The following CRY2 variants were observed in gnomAD, a reference collection of about 807,000 sequenced individuals.
CRY2 encodes the protein cryptochrome circadian regulator 2, also known as cryptochrome-2.
CRY2 carries 31 observed loss-of-function variants against 69.5 expected under a neutral mutation model. The observed-to-expected ratio is 0.45, with a 90% CI of 0.34 to 0.60. The LOEUF is 0.60. Ranked by LOEUF, CRY2 falls within the 20% of genes least tolerant of loss-of-function variation. The pLI is 0.02. For missense variants in CRY2, 606 were observed against 797.8 expected (o/e 0.76, Z 2.90); for synonymous variants, 303 against 312.2 (o/e 0.97, Z 0.31).
intron 11 of CRY2, among the ~76,000 whole-genome samples, chr11:45,877,435 C>T (rs1273667448): frequency 1.3e-5 from 2 of 152,228 alleles, no homozygotes; most frequent in South Asian, 2.1e-4. Context: ...CCCTCCAGGG[C>T]GAGGAGCATA....
rs768698805 is a variant in CRY2, at chr11:45,857,462, C to T, written c.325-1269C>T. ...CCCCAGCAACTCAGAGGCCAACCCACTTATATCCCAGAGATATAGCTAGGT... is the reference window on the plus strand; with the variant it reads ...CCCCAGCAACTCAGAGGCCAACCCATTTATATCCCAGAGATATAGCTAGGT... On this transcript the variant is annotated intron_variant, in intron 2 of 11. Transcript: ENST00000616080. Among the ~76,000 whole-genome samples, 3 of 152,208 alleles carry T rather than the reference C, an allele frequency of 2.0e-5. 1 individual carries two copies. In the South Asian group the frequency reaches 6.2e-4, roughly 31 times the overall value.
In CRY2 at chr11:45,867,767, C is replaced by A. The variant is rs1253617930; in HGVS notation, c.882+15C>A. ...TGTATAAAAAGGTAAGGGGGACATA[C>A]CTGCCCACATTGCACCTAAGGCCTG... On this transcript the variant is annotated intron_variant, in intron 6 of 11. Coordinates refer to ENST00000616080, the MANE Select transcript of CRY2 (RefSeq NM_021117.5). The A allele has an allele frequency of 6.2e-7, 1 of 1,614,090 alleles. No individual in the cohort carries two copies. The highest frequency in any genetic ancestry group is 1.1e-5 in the South Asian group (1 of 91,080).
At chr11:45,857,042 G>A (rs11038696) in intron 2 of CRY2, among the ~76,000 whole-genome samples, 8,733 of 152,164 alleles carry the variant, frequency 0.057, 359 homozygotes, top group Non-Finnish European at 0.081. Context: ...TGATTGTCAT[G>A]CCCCTCCCCA....
intron 11 of CRY2, among the ~76,000 whole-genome samples, chr11:45,879,853 C>T (rs2086454668): frequency 6.6e-6 from 1 of 152,206 alleles, no homozygotes; most frequent in South Asian, 2.1e-4. Flanking sequence ...GGCTTCTTTT[C>T]TTCTGAGGCT....
At chr11:45,876,237 A>C (rs1321503388) in intron 11 of CRY2, among the ~76,000 whole-genome samples, 1 of 151,858 alleles carries the variant, frequency 6.6e-6, no homozygotes, top group Non-Finnish European at 1.5e-5. Context: ...TCTGAGCTCT[A>C]TAGTTCTGGA....
intron 1 of CRY2, among the ~76,000 whole-genome samples, chr11:45,855,667 C>T (rs1045479106): frequency 2.0e-5 from 3 of 152,168 alleles, no homozygotes; most frequent in South Asian, 2.1e-4. Flanking sequence ...ACACATTATT[C>T]GATTTTCTTT....
At chr11:45,866,816 TCA>T (rs1489850870) in intron 5 of CRY2, among the ~76,000 whole-genome samples, 1 of 152,014 alleles carries the variant, frequency 6.6e-6, no homozygotes. Context: ...GCACAGTGGC[TCA>T]CACCTATAAT....
At chr11:45,863,211 G>C (rs181614621) in intron 5 of CRY2, among the ~76,000 whole-genome samples, 37 of 152,354 alleles carry the variant, frequency 2.4e-4, no homozygotes, top group Admixed American at 6.5e-5. Context: ...GGTTCACCTA[G>C]AGATTCTTGG....
chr11:45,863,581 A>C (rs2086305870), intron 5 of CRY2, among the ~76,000 whole-genome samples: 3 of 151,028 alleles, frequency 2.0e-5, no homozygotes, highest in Non-Finnish European at 4.4e-5. Flanking sequence ...AGTTCTCCAA[A>C]TCTGAAGGGA....
At chr11:45,876,239 A>C (rs2086423516) in intron 11 of CRY2, among the ~76,000 whole-genome samples, 1 of 151,964 alleles carries the variant, frequency 6.6e-6, no homozygotes, top group Non-Finnish European at 1.5e-5. Flanking sequence ...TGAGCTCTAT[A>C]GTTCTGGATT....
chr11:45,859,462 T>C (rs1440037929), intron 3 of CRY2, among the ~76,000 whole-genome samples: 1 of 151,406 alleles, frequency 6.6e-6, no homozygotes, highest in East Asian at 1.9e-4. Context: ...CTGAAGAGGC[T>C]GAGGTTGGAG....
chr11:45,861,821 C>T (rs1012216501), intron 4 of CRY2: 5 of 487,154 alleles, frequency 1.0e-5, no homozygotes, highest in Non-Finnish European at 1.5e-5. Flanking sequence ...GCAGGAGGTC[C>T]GGGATTGTTG....
intron 5 of CRY2, among the ~76,000 whole-genome samples, chr11:45,862,812 C>A (rs1464738774): frequency 1.3e-5 from 2 of 152,204 alleles, no homozygotes; most frequent in Non-Finnish European, 2.9e-5. Flanking sequence ...GCAGTGAGAA[C>A]TGGGGAGGAA....
intron 3 of CRY2, among the ~76,000 whole-genome samples, chr11:45,859,536 T>G (rs2086270062): frequency 7.2e-6 from 1 of 139,426 alleles, no homozygotes; most frequent in Admixed American, 7.0e-5. Flanking sequence ...CACTCCAGCC[T>G]GGGTGACAGA....
chr11:45,870,952 A>ACCTCCTGTGG lies in CRY2; in HGVS notation c.1642+32_1642+41dup. 6.2e-7 allele frequency: 1 copy of ACCTCCTGTGG among 1,600,208 alleles called. No individual in the cohort carries two copies. The highest frequency in any genetic ancestry group is 8.5e-7 in the Non-Finnish European group (1 of 1,175,402). ...CAGTGCAGGTGAGCAGCAGCAACCA[A>ACCTCCTGTGG]CCTCCTGTGGCCTCCTGTGGCCTGT... On this transcript the variant is annotated intron_variant, in intron 10 of 11. Transcript: ENST00000616080.
At chr11:45,860,812 A>G (rs1382036961) in intron 3 of CRY2, 36 bp from the exon 4 acceptor site, 3 of 1,605,178 alleles carry the variant, frequency 1.9e-6, no homozygotes, top group Non-Finnish European at 2.6e-6. Flanking sequence ...TCACAGGGCC[A>G]TGTGGGTAAC....
At chr11:45,873,203 T>C (rs2086399967) in intron 11 of CRY2, among the ~76,000 whole-genome samples, 1 of 152,238 alleles carries the variant, frequency 6.6e-6, no homozygotes, top group South Asian at 2.1e-4. Context: ...CTGTTCCTTA[T>C]GCACCATGTC....
intron 1 of CRY2, among the ~76,000 whole-genome samples, chr11:45,853,831 T>C (rs2086216787): frequency 6.6e-6 from 1 of 152,242 alleles, no homozygotes; most frequent in Non-Finnish European, 1.5e-5. Flanking sequence ...CTGTTCCTTT[T>C]CTGGAGGTGA....
chr11:45,879,702 A>C (rs913191719), intron 11 of CRY2, among the ~76,000 whole-genome samples: 15 of 152,210 alleles, frequency 9.9e-5, no homozygotes, highest in African/African-American at 3.6e-4. Flanking sequence ...GCAAGCTTCA[A>C]GGTTACTGGG....
Sources: gnomAD v4.1 joint callset for allele counts (sites outside exome capture counted in the v4.1 genomes callset) on GRCh38, gnomAD v4.1.1 for gene constraint, MANE v1.5 for transcripts, NCBI Gene and HGNC (gene_info 2026-07-23, HGNC 2026-07-21) for gene names.